Variants in GALNT14 observed in about 807,000 individuals in gnomAD.
The protein encoded by GALNT14 is UDP-GalNAc:polypeptide N-acetylgalactosaminyltransferase 14.
GALNT14 carries 60 observed loss-of-function variants against 77.5 expected under a neutral mutation model. The observed-to-expected ratio is 0.77, with a 90% CI of 0.63 to 0.96. The LOEUF (loss-of-function observed/expected upper bound fraction) is 0.96, where lower values mean the gene tolerates loss of function less well. Ranked by LOEUF, GALNT14 falls within the 40% of genes least tolerant of loss-of-function variation. The pLI is 0.00. For missense variants in GALNT14, 710 were observed against 731.0 expected, an observed-to-expected ratio of 0.97 and a Z score of 0.33; for synonymous variants, 280 against 281.7, an observed-to-expected ratio of 0.99 and a Z score of 0.06.
intron 1 of GALNT14, among the ~76,000 whole-genome samples, chr2:31,060,232 A>G (rs1476052124): frequency 6.6e-6 from 1 of 152,178 alleles, no homozygotes; most frequent in African/African-American, 2.4e-5. Context: ...CAGGCTGAGC[A>G]GAATCTATTG....
At chr2:30,897,361 C>T in the GALNT14 span, among the ~76,000 whole-genome samples, 1 of 152,118 alleles carries the variant, frequency 6.6e-6, no homozygotes, top group Non-Finnish European at 1.5e-5. Context: ...AACAGATGCC[C>T]CCTGGGTAGG....
chr2:31,129,112 C>A (rs1353139424), intron 1 of GALNT14, among the ~76,000 whole-genome samples: 1 of 152,174 alleles, frequency 6.6e-6, no homozygotes, highest in Non-Finnish European at 1.5e-5. Context: ...GCAAAGGAAT[C>A]TCACCTGAAG....
chr2:30,901,530 CCTTT>C, the GALNT14 span, among the ~76,000 whole-genome samples: 781 of 151,092 alleles, frequency 5.2e-3, 7 homozygotes, highest in African/African-American at 0.018. Context: ...AATTCCCTTT[CCTTT>C]AATACATATA....
chr2:31,049,756 C>A (rs1249646088), intron 1 of GALNT14, among the ~76,000 whole-genome samples: 2 of 152,204 alleles, frequency 1.3e-5, no homozygotes, highest in African/African-American at 4.8e-5. Context: ...TCCCCCTTCA[C>A]TGGGGATTCT....
In GALNT14 at chr2:31,061,503, G is replaced by C. The variant is rs62142964; in HGVS notation, c.130-68496C>G. 9.6e-3 allele frequency among the ~76,000 whole-genome samples: 1,464 copies of C among 152,154 alleles called. 24 individuals are homozygous for C. Among genetic ancestry groups the C allele is most frequent in the Admixed American group, 0.039 (591 of 15,276 alleles). Reference sequence around the variant, plus strand: ...ACATGCAGTCTCAAAAATACTATCAGAGTGATCTTCCTAAAACCAAACAAT... The same window carrying C: ...ACATGCAGTCTCAAAAATACTATCACAGTGATCTTCCTAAAACCAAACAAT... On this transcript the variant is annotated intron_variant, in intron 1 of 14. Coordinates refer to ENST00000349752, the MANE Select transcript of GALNT14 (RefSeq NM_024572.4).
chr2:30,953,506 C>T (rs1667168913), intron 6 of GALNT14, among the ~76,000 whole-genome samples: 1 of 152,102 alleles, frequency 6.6e-6, no homozygotes, highest in South Asian at 2.1e-4. Context: ...GACAGGGTTT[C>T]GCCATGTTGG....
At chr2:30,909,735 A>G (rs1446165915), downstream of GALNT14, among the ~76,000 whole-genome samples, 2 of 152,034 alleles carry the variant, frequency 1.3e-5, no homozygotes, top group Non-Finnish European at 2.9e-5. Flanking sequence ...ACTATAAATC[A>G]TGCTGCTATA....
intron 2 of GALNT14, among the ~76,000 whole-genome samples, chr2:30,986,076 A>G (rs1422993126): frequency 1.3e-5 from 2 of 152,198 alleles, no homozygotes; most frequent in Non-Finnish European, 2.9e-5. Flanking sequence ...CAGGAGGAAA[A>G]GGAGCCAAGG....
intron 1 of GALNT14, chr2:31,078,912 T>C: frequency 7.8e-7 from 1 of 1,289,024 alleles, no homozygotes; most frequent in Non-Finnish European, 1.0e-6. Flanking sequence ...AGCAAAGGAC[T>C]ACAAATTCAG....
chr2:31,043,113 C>G (rs1478805166), intron 1 of GALNT14, among the ~76,000 whole-genome samples: 2 of 152,154 alleles, frequency 1.3e-5, no homozygotes, highest in Non-Finnish European at 2.9e-5. Context: ...GCTCCAAGCA[C>G]TCTTAACTTG....
At chr2:31,087,576 T>C (rs1676510282) in intron 1 of GALNT14, among the ~76,000 whole-genome samples, 1 of 90,020 alleles carries the variant, frequency 1.1e-5, no homozygotes, top group African/African-American at 3.9e-5. Context: ...CACCACTGAC[T>C]TGGGGAGAGA....
downstream of GALNT14, among the ~76,000 whole-genome samples, chr2:30,906,663 C>T (rs965680018): frequency 3.9e-5 from 6 of 151,900 alleles, no homozygotes; most frequent in East Asian, 5.9e-4. Flanking sequence ...GACAGAAAGT[C>T]AACAAGGATA....
chr2:30,921,147 C>A (rs1295344974), intron 13 of GALNT14, among the ~76,000 whole-genome samples: 2 of 152,174 alleles, frequency 1.3e-5, no homozygotes, highest in Non-Finnish European at 2.9e-5. Context: ...CAACTCTCCT[C>A]AGGGCCAGAG....
chr2:30,911,644 C>T (rs1664368670), intron 14 of GALNT14, among the ~76,000 whole-genome samples: 1 of 152,158 alleles, frequency 6.6e-6, no homozygotes, highest in African/African-American at 2.4e-5. Context: ...CATTCTCAAC[C>T]CCATTTCAGA....
chr2:30,982,568 C>T (rs887185484), intron 2 of GALNT14, among the ~76,000 whole-genome samples: 1 of 152,198 alleles, frequency 6.6e-6, no homozygotes, highest in Non-Finnish European at 1.5e-5. Context: ...TGAGTACATA[C>T]TGTGTAATCC....
intron 1 of GALNT14, among the ~76,000 whole-genome samples, chr2:31,115,149 T>C (rs1401702187): frequency 2.0e-5 from 3 of 151,226 alleles, no homozygotes; most frequent in African/African-American, 4.9e-5. Flanking sequence ...ACTTGGGAGG[T>C]TGAGGCAGGA....
rs1677117617 is a variant in GALNT14, at chr2:31,098,739, C to A, written c.129+39219G>T. Among the ~76,000 whole-genome samples the A allele has an allele frequency of 2.0e-5, 3 of 152,052 alleles. No homozygotes were observed. In the South Asian group the frequency reaches 6.2e-4, roughly 32 times the overall value. ...AGCCTATTGTTCACCAGAAGACTTA[C>A]CAATAACATAAACAGCCCATTAGCA... On this transcript the variant is annotated intron_variant, in intron 1 of 14. Transcript: ENST00000349752.
At chr2:31,094,521 C>T (rs1409551035) in intron 1 of GALNT14, among the ~76,000 whole-genome samples, 1 of 152,210 alleles carries the variant, frequency 6.6e-6, no homozygotes, top group Non-Finnish European at 1.5e-5. Flanking sequence ...CAGACATGGG[C>T]AATATGTGGC....
At chr2:31,008,756 G>A (rs780008414) in intron 1 of GALNT14, among the ~76,000 whole-genome samples, 4 of 152,182 alleles carry the variant, frequency 2.6e-5, no homozygotes, top group Non-Finnish European at 5.9e-5. Flanking sequence ...CTGTTTATAC[G>A]GATTTCTTCA....
Sources: allele counts gnomAD v4.1 joint callset (sites outside exome capture counted in the v4.1 genomes callset), GRCh38; gene constraint gnomAD v4.1.1; transcripts MANE v1.5; gene names NCBI Gene and HGNC (gene_info 2026-07-23, HGNC 2026-07-21).